The following SLC5A8 variants were observed in gnomAD, a reference collection of about 807,000 sequenced individuals.
The protein encoded by SLC5A8 is sodium-coupled monocarboxylate transporter 1.
A neutral mutation model predicts 71.9 loss-of-function variants in SLC5A8; 55 were observed. That is an observed-to-expected ratio of 0.77 (90% CI 0.62 to 0.96). SLC5A8 has a LOEUF of 0.96. Ranked by LOEUF, SLC5A8 falls within the 40% of genes least tolerant of loss-of-function variation. SLC5A8 has a pLI of 0.00. For synonymous variants in SLC5A8, 307 were observed against 276.1 expected, an observed-to-expected ratio of 1.11 and a Z score of -1.11; for missense variants, 701 against 745.3, an observed-to-expected ratio of 0.94 and a Z score of 0.69.
chr12:101,188,904 G>A (rs1868777198), intron 6 of SLC5A8, among the ~76,000 whole-genome samples: 1 of 152,106 alleles, frequency 6.6e-6, no homozygotes. Flanking sequence ...ATGCTATTCA[G>A]ATTGACCACT....
At position 101,174,121 on chromosome 12, in the gene SLC5A8, T is replaced by C. The variant is rs1446702346; in HGVS notation, c.1233+5908A>G. On this transcript the variant is annotated intron_variant, in intron 10 of 14. Transcript: ENST00000536262. ...TTCCGGAGGGCTTCATTTGACTTCT[T>C]GATCAGAACCAGTCCCCAGTCACCC... is the stretch of plus-strand genomic sequence containing the variant. Among the ~76,000 whole-genome samples the C allele has an allele frequency of 2.0e-5, 3 of 152,220 alleles. No individual in the cohort carries two copies. The East Asian group carries it at 5.8e-4, about 29-fold the overall frequency.
chr12:101,164,050 G>T (rs2137123462), intron 12 of SLC5A8, among the ~76,000 whole-genome samples: 2 of 152,242 alleles, frequency 1.3e-5, no homozygotes, highest in African/African-American at 4.8e-5. Flanking sequence ...TGATTGCAGG[G>T]TAGACAAGGA....
Position 101,209,743 on chromosome 12 carries a change from C to G in SLC5A8, c.106G>C (p.Gly36Arg), listed in dbSNP as rs1869841760. ...TCCTTGGAGGTCTGCTGGCCGCCCC[C>G]AGCGAAGGCGTAGTAGATGCCGATG... ...AAIGIYYAFA[G>R]GGQQTSKDFL... The change falls in exon 1 of 15, where the codon GGG (glycine) becomes CGG (arginine). Residue 36 changes from glycine to arginine, a missense_variant. Transcript: ENST00000536262. The G allele has an allele frequency of 6.2e-7, 1 of 1,612,596 alleles. No homozygotes were observed. The highest frequency in any genetic ancestry group is 8.5e-7 in the Non-Finnish European group (1 of 1,179,830).
intron 2 of SLC5A8, among the ~76,000 whole-genome samples, 172 bp from the exon 3 acceptor site, chr12:101,202,387 T>G (rs1327395592): frequency 6.6e-6 from 1 of 152,188 alleles, no homozygotes; most frequent in African/African-American, 2.4e-5. Context: ...TAAGTAAAGT[T>G]GACTCTTCTG....
chr12:101,174,111 TTTGACTTC>T (rs1228619776), intron 10 of SLC5A8, among the ~76,000 whole-genome samples: 1 of 152,194 alleles, frequency 6.6e-6, no homozygotes, highest in Non-Finnish European at 1.5e-5. Context: ...GAGGGCTTCA[TTTGACTTC>T]TTGATCAGAA....
At chr12:101,193,590 AG>A (rs1453053096) in intron 5 of SLC5A8, 34 bp downstream of exon 5, 1 of 1,573,346 alleles carries the variant, frequency 6.4e-7, no homozygotes, top group Non-Finnish European at 8.6e-7. Context: ...AGAATACAAA[AG>A]ATGTGTTCAG....
In SLC5A8 at chr12:101,162,789, A is replaced by C. The variant is rs1266565064; in HGVS notation, c.1527-712T>G. Among the ~76,000 whole-genome samples the C allele has an allele frequency of 2.6e-5, 4 of 152,228 alleles. No homozygotes were observed. The South Asian group carries it at 8.3e-4, about 31-fold the overall frequency. On this transcript the variant is annotated intron_variant, in intron 12 of 14. Coordinates refer to ENST00000536262, the MANE Select transcript of SLC5A8 (RefSeq NM_145913.5). ...GAGTTTACCCAAGTAAGAAACCTGC[A>C]CAGGTATCTAAAATAAAAGTTGAAA...
At chr12:101,166,736 CA>C in intron 11 of SLC5A8, 37 bp from the exon 12 acceptor site, 1 of 1,522,248 alleles carries the variant, frequency 6.6e-7, no homozygotes, top group Non-Finnish European at 8.8e-7. Flanking sequence ...AAAAATAATA[CA>C]ATTTGCTTTG....
chr12:101,168,662 C>T (rs547656486), intron 10 of SLC5A8, among the ~76,000 whole-genome samples: 4 of 152,178 alleles, frequency 2.6e-5, no homozygotes, highest in African/African-American at 4.8e-5. Context: ...ATGAGAAATA[C>T]GATTTTAAAA....
At chr12:101,190,664 T>C (rs1208187868) in intron 5 of SLC5A8, 56 bp from the exon 6 acceptor site, 6 of 1,512,086 alleles carry the variant, frequency 4.0e-6, no homozygotes, top group Non-Finnish European at 5.3e-6. Flanking sequence ...CTAAAAAAAA[T>C]TCTCTTAGAC....
intron 5 of SLC5A8, among the ~76,000 whole-genome samples, chr12:101,191,283 T>C (rs1017981707): frequency 1.3e-5 from 2 of 152,234 alleles, no homozygotes; most frequent in African/African-American, 2.4e-5. Flanking sequence ...GAAAGATCTT[T>C]TAATCTTTTT....
chr12:101,200,643 A>G (rs1869420522), intron 3 of SLC5A8, among the ~76,000 whole-genome samples: 2 of 152,130 alleles, frequency 1.3e-5, no homozygotes, highest in Admixed American at 1.3e-4. Flanking sequence ...TGGTATGATT[A>G]TGGTTTTTAA....
At chr12:101,183,109 G>A in intron 8 of SLC5A8, among the ~76,000 whole-genome samples, 194 bp from the exon 9 acceptor site, 1 of 124,238 alleles carries the variant, frequency 8.0e-6, no homozygotes, top group South Asian at 2.8e-4. Flanking sequence ...GCAATGGCAT[G>A]ATCTCGACTC....
intron 4 of SLC5A8, 39 bp from the exon 5 acceptor site, chr12:101,193,818 A>G: frequency 6.2e-7 from 1 of 1,601,030 alleles, no homozygotes; most frequent in African/African-American, 1.3e-5. Flanking sequence ...TGCTTCTATT[A>G]GACATTATTA....
chr12:101,209,540 G>T lies in SLC5A8; in HGVS notation c.309C>A (p.Phe103Leu), dbSNP rs773861973. 5 of 1,613,642 alleles carry T rather than the reference G, an allele frequency of 3.1e-6. No homozygotes were observed. In the East Asian group the frequency reaches 1.1e-4, roughly 36 times the overall value. Residue 103 changes from phenylalanine to leucine, a missense_variant, in exon 1 of 15, where the codon TTC becomes TTA. Coordinates refer to ENST00000536262, the MANE Select transcript of SLC5A8 (RefSeq NM_145913.5). ...FFVVVISAEV[F>L]LPVFYKLGIT... ...TTCCCAGTTTGTAGAACACCGGGAG[G>T]AAGACCTCCGCGCTGATGACCACCA... is the stretch of plus-strand genomic sequence containing the variant.
chr12:101,179,808 A>G (rs2051914945), intron 10 of SLC5A8, among the ~76,000 whole-genome samples: 1 of 152,210 alleles, frequency 6.6e-6, no homozygotes, highest in Admixed American at 6.5e-5. Flanking sequence ...AGTAAAGAGT[A>G]TATGAGATCT....
chr12:101,209,093 G>A (rs534218053), intron 1 of SLC5A8, among the ~76,000 whole-genome samples: 81 of 152,244 alleles, frequency 5.3e-4, no homozygotes, highest in African/African-American at 1.8e-3. Flanking sequence ...TGAGGACCTG[G>A]AACAAGAGTA....
At chr12:101,203,939 G>A (rs1201826586) in intron 2 of SLC5A8, among the ~76,000 whole-genome samples, 5 of 105,466 alleles carry the variant, frequency 4.7e-5, no homozygotes, top group Non-Finnish European at 9.2e-5. Flanking sequence ...GCTTTAAAGA[G>A]TCCTCCAGAG....
At chr12:101,194,342 G>C (rs191909775) in intron 4 of SLC5A8, among the ~76,000 whole-genome samples, 8 of 152,336 alleles carry the variant, frequency 5.3e-5, no homozygotes, top group African/African-American at 1.9e-4. Context: ...TTAAGACATA[G>C]AGTGTCAAGG....
Sources: allele counts gnomAD v4.1 joint callset (sites outside exome capture counted in the v4.1 genomes callset), GRCh38; gene constraint gnomAD v4.1.1; transcripts MANE v1.5; gene names NCBI Gene and HGNC (gene_info 2026-07-23, HGNC 2026-07-21).